ROBO2: variants seen among roughly 807,000 people sequenced by gnomAD.
ROBO2 encodes roundabout guidance receptor 2, also known as roundabout homolog 2.
ROBO2 carries 53 observed loss-of-function variants against 160.8 expected under a neutral mutation model. The ratio of observed to expected loss-of-function variants is 0.33; its 90% CI spans 0.26 to 0.41. ROBO2 has a LOEUF of 0.41. Among genes scored for constraint, ROBO2 ranks in the 10% least tolerant of loss-of-function variants. ROBO2 has a pLI of 1.00. For missense variants in ROBO2, 1,577 were observed against 1,722.4 expected (o/e 0.92, Z 1.49); for synonymous variants, 664 against 611.7 (o/e 1.09, Z -1.26).
intron 2 of ROBO2, among the ~76,000 whole-genome samples, chr3:76,011,003 G>C (rs2107611173): frequency 6.6e-6 from 1 of 152,302 alleles, no homozygotes; most frequent in East Asian, 1.9e-4. Context: ...TAAGTAACCA[G>C]ATAGCTTAAC....
At chr3:76,507,926 C>T (rs559617110) in intron 2 of ROBO2, among the ~76,000 whole-genome samples, 1 of 152,118 alleles carries the variant, frequency 6.6e-6, no homozygotes, top group Non-Finnish European at 1.5e-5. Context: ...TTCAATAGCA[C>T]ACAGCACTCC....
intron 2 of ROBO2, among the ~76,000 whole-genome samples, chr3:76,090,221 G>A (rs1383918806): frequency 1.3e-5 from 2 of 152,094 alleles, no homozygotes; most frequent in Non-Finnish European, 2.9e-5. Context: ...AACACTTTGG[G>A]AAATTGAGGC....
chr3:76,192,933 C>A (rs909456972), intron 2 of ROBO2, among the ~76,000 whole-genome samples: 1 of 152,070 alleles, frequency 6.6e-6, no homozygotes, highest in Non-Finnish European at 1.5e-5. Context: ...CATTCTCTAC[C>A]AGACTATTGA....
At chr3:77,295,543 A>G (rs2061973001) in intron 2 of ROBO2, among the ~76,000 whole-genome samples, 1 of 145,172 alleles carries the variant, frequency 6.9e-6, no homozygotes. Context: ...AGCTGAGGCT[A>G]GATCACCAAA....
intron 2 of ROBO2, among the ~76,000 whole-genome samples, chr3:76,882,063 GTGTC>G (rs1489271124): frequency 1.3e-5 from 2 of 149,724 alleles, no homozygotes; most frequent in East Asian, 3.9e-4. Context: ...GATCACCACT[GTGTC>G]TGTTGGGTCG....
At chr3:77,320,274 G>A (rs2064529203) in intron 2 of ROBO2, among the ~76,000 whole-genome samples, 1 of 152,036 alleles carries the variant, frequency 6.6e-6, no homozygotes, top group African/African-American at 2.4e-5. Context: ...GCAATTGCTG[G>A]CTGGTATTGT....
chr3:77,038,061 C>T (rs1276444824), upstream of ROBO2, among the ~76,000 whole-genome samples: 1 of 152,092 alleles, frequency 6.6e-6, no homozygotes, highest in African/African-American at 2.4e-5. Flanking sequence ...AATTACTTTC[C>T]TTTTCCAGAG....
intron 5 of ROBO2, among the ~76,000 whole-genome samples, chr3:77,515,016 G>A (rs547902762): frequency 6.6e-6 from 1 of 151,808 alleles, no homozygotes; most frequent in East Asian, 1.9e-4. Context: ...GTCATGTTTT[G>A]CTTCAGATTG....
At chr3:77,009,910 C>T (rs560293832) in intron 2 of ROBO2, among the ~76,000 whole-genome samples, 3 of 141,856 alleles carry the variant, frequency 2.1e-5, no homozygotes, top group African/African-American at 5.3e-5. Context: ...CGTGCCACTG[C>T]ACTCCAGCCT....
At position 76,757,854 on chromosome 3, in the gene ROBO2, G is replaced by A. The variant is rs577369490; in HGVS notation, c.110-340160G>A. Among the ~76,000 whole-genome samples the A allele has an allele frequency of 2.6e-5, 4 of 151,690 alleles. No individual in the cohort carries two copies. The South Asian group carries it at 8.3e-4, about 31-fold the overall frequency. ...AAAACTTGAGTTAACAGCATCCCTA[G>A]GGGAGTTTTCATCTCTTTATCTAGT... is the stretch of plus-strand genomic sequence containing the variant. On this transcript the variant is annotated intron_variant, in intron 2 of 26. Transcript: ENST00000487694.
chr3:76,745,173 G>A (rs1307552204), intron 2 of ROBO2, among the ~76,000 whole-genome samples: 3 of 152,002 alleles, frequency 2.0e-5, no homozygotes, highest in Non-Finnish European at 2.9e-5. Flanking sequence ...CATTTTGAGG[G>A]GAAATAGATA....
intron 2 of ROBO2, among the ~76,000 whole-genome samples, chr3:77,137,753 G>A (rs533616379): frequency 2.0e-5 from 3 of 152,304 alleles, no homozygotes; most frequent in East Asian, 3.9e-4. Flanking sequence ...CTGCCTGCCT[G>A]TAAGAGACAG....
intron 2 of ROBO2, among the ~76,000 whole-genome samples, chr3:76,625,172 A>G (rs746112207): frequency 2.0e-5 from 3 of 152,202 alleles, no homozygotes; most frequent in Non-Finnish European, 2.9e-5. Context: ...CTAATTTAAT[A>G]AAATTCCCTG....
intron 2 of ROBO2, among the ~76,000 whole-genome samples, chr3:76,909,082 G>A (rs1268619577): frequency 1.3e-5 from 2 of 151,966 alleles, no homozygotes; most frequent in Non-Finnish European, 2.9e-5. Flanking sequence ...AAATTAGCTG[G>A]GCTTAGTGGC....
intron 2 of ROBO2, among the ~76,000 whole-genome samples, chr3:75,959,250 C>T (rs1184783414): frequency 6.6e-6 from 1 of 151,666 alleles, no homozygotes; most frequent in Non-Finnish European, 1.5e-5. Flanking sequence ...TTGATGACCA[C>T]TGTAAGTCTA....
intron 5 of ROBO2, among the ~76,000 whole-genome samples, chr3:77,522,052 A>T (rs1271205599): frequency 1.3e-5 from 2 of 151,304 alleles, no homozygotes; most frequent in African/African-American, 4.8e-5. Flanking sequence ...AGTTTGTGTA[A>T]TTATAATTTC....
chr3:77,494,056 T>G (rs1413316748), intron 5 of ROBO2, among the ~76,000 whole-genome samples: 1 of 152,192 alleles, frequency 6.6e-6, no homozygotes, highest in African/African-American at 2.4e-5. Context: ...AAAAATAATT[T>G]TGACTTGTTG....
intron 2 of ROBO2, among the ~76,000 whole-genome samples, chr3:76,678,728 A>G (rs2092478361): frequency 6.6e-6 from 1 of 152,154 alleles, no homozygotes; most frequent in Admixed American, 6.5e-5. Flanking sequence ...GGAGACAAGT[A>G]CTTAGGTGGA....
chr3:77,480,513 T>A (rs1179504735), intron 3 of ROBO2, among the ~76,000 whole-genome samples: 2 of 152,094 alleles, frequency 1.3e-5, no homozygotes, highest in South Asian at 2.1e-4. Flanking sequence ...ATAAACTGTG[T>A]TTGTTTTTAT....
Sources: gnomAD v4.1 joint callset for allele counts (sites outside exome capture counted in the v4.1 genomes callset) on GRCh38, gnomAD v4.1.1 for gene constraint, MANE v1.5 for transcripts, NCBI Gene and HGNC (gene_info 2026-07-23, HGNC 2026-07-21) for gene names.